CAPS2: variants seen among roughly 807,000 people sequenced by gnomAD.
The protein encoded by CAPS2 is calcyphosin-2.
In CAPS2, 98 loss-of-function variants were observed where a neutral mutation model predicts 86.5. The ratio of observed to expected loss-of-function variants is 1.13; its 90% CI spans 0.96 to 1.34. The LOEUF (loss-of-function observed/expected upper bound fraction) is 1.34. Among genes scored for constraint, CAPS2 ranks in the 40% most tolerant of loss-of-function variants. The pLI, the probability that CAPS2 is intolerant of heterozygous loss-of-function variation, is 0.00. For missense variants in CAPS2, 729 were observed against 686.8 expected (o/e 1.06, Z -0.69); for synonymous variants, 210 against 225.1 (o/e 0.93, Z 0.60).
chr12:75,305,925 G>T lies in CAPS2; in HGVS notation c.660-1049C>A, dbSNP rs116611009. On this transcript the variant is annotated intron_variant, in intron 7 of 16. Transcript: ENST00000393284. ...CCAACCTCCACACCATGAAGTCTGC[G>T]CTGGTGAAAGCGCTGGAGCCCGAGG... 9.3e-4 allele frequency: 915 copies of T among 981,118 alleles called. 6 individuals are homozygous for T. In the African/African-American group the frequency reaches 0.013, roughly 14 times the overall value. The allele number at this position is 981,118 out of a possible 1,614,324, so 60.8% of individuals were successfully genotyped here. A position where few individuals can be genotyped will look rare whatever the true frequency, so the allele number is the denominator to read the frequency against.
chr12:75,334,820 C>G (rs886634759), upstream of CAPS2: 4 of 1,614,094 alleles, frequency 2.5e-6, no homozygotes, highest in Non-Finnish European at 3.4e-6. Flanking sequence ...ATCACTGACC[C>G]ACACTTTATA....
intron 9 of CAPS2, 70 bp downstream of exon 9, chr12:75,299,767 C>T: frequency 4.1e-6 from 3 of 732,256 alleles, no homozygotes; most frequent in Admixed American, 2.7e-5. Context: ...TCATTACTGT[C>T]ATTTCTATTC....
intron 8 of CAPS2, 114 bp downstream of exon 8, chr12:75,304,643 T>C: frequency 1.3e-6 from 1 of 777,920 alleles, no homozygotes. Context: ...CACTTTTCTT[T>C]ATATAGAAAA....
intron 7 of CAPS2, among the ~76,000 whole-genome samples, chr12:75,308,942 T>C (rs1035551706): frequency 4.8e-5 from 7 of 146,178 alleles, no homozygotes; most frequent in African/African-American, 1.5e-4. Context: ...GGAGCCCCCA[T>C]GGCCAGCTAC....
chr12:75,277,134 C>T, downstream of CAPS2: 13 of 983,006 alleles, frequency 1.3e-5, no homozygotes, highest in Non-Finnish European at 1.6e-5. Flanking sequence ...CATGTGAATG[C>T]TTATGTTAGG....
chr12:75,375,932 G>A (rs1405034005), intron 1 of CAPS2, among the ~76,000 whole-genome samples: 1 of 152,214 alleles, frequency 6.6e-6, no homozygotes, highest in Non-Finnish European at 1.5e-5. Flanking sequence ...CTGGCATACG[G>A]AGAGGAGCAA....
intron 12 of CAPS2, among the ~76,000 whole-genome samples, chr12:75,292,989 T>C (rs1004464177): frequency 6.6e-6 from 1 of 151,874 alleles, no homozygotes; most frequent in Non-Finnish European, 1.5e-5. Flanking sequence ...AAAAGTGTTA[T>C]AGCAAAGGCA....
intron 16 of CAPS2, among the ~76,000 whole-genome samples, chr12:75,281,205 T>A (rs2033882245): frequency 6.6e-6 from 1 of 151,978 alleles, no homozygotes; most frequent in Non-Finnish European, 1.5e-5. Context: ...TTTTACAATG[T>A]AATTTGGAAG....
At chr12:75,372,368 T>A (rs2044416001) in intron 1 of CAPS2, among the ~76,000 whole-genome samples, 1 of 152,180 alleles carries the variant, frequency 6.6e-6, no homozygotes, top group South Asian at 2.1e-4. Context: ...TAACTCTTGT[T>A]AGCCTGTTGA....
At chr12:75,325,813 GGTAGGGCCAAGCT>G (rs1426854053) in intron 1 of CAPS2, among the ~76,000 whole-genome samples, 1 of 151,890 alleles carries the variant, frequency 6.6e-6, no homozygotes, top group Non-Finnish European at 1.5e-5. Flanking sequence ...TGTGAGGGGG[GGTAGGGCCAAGCT>G]GTTACATTAT....
At chr12:75,279,423 TAGAAA>T (rs2033486193) in intron 16 of CAPS2, among the ~76,000 whole-genome samples, 1 of 151,506 alleles carries the variant, frequency 6.6e-6, no homozygotes, top group Non-Finnish European at 1.5e-5. Context: ...TATATAATAG[TAGAAA>T]AAGGGTCAAA....
chr12:75,347,670 C>T (rs752889301), intron 1 of CAPS2: 1 of 1,608,584 alleles, frequency 6.2e-7, no homozygotes, highest in Non-Finnish European at 8.5e-7. Flanking sequence ...TGCAATGTGT[C>T]CTAACCTTGG....
chr12:75,291,431 T>A (rs1457083667), intron 13 of CAPS2, among the ~76,000 whole-genome samples: 1 of 127,280 alleles, frequency 7.9e-6, no homozygotes, highest in African/African-American at 2.9e-5. Context: ...GTTAGGACCA[T>A]TAAAGTAAGG....
At chr12:75,369,944 T>A (rs2044248790) in intron 1 of CAPS2, 1 of 1,203,366 alleles carries the variant, frequency 8.3e-7, no homozygotes, top group Non-Finnish European at 1.1e-6. Flanking sequence ...AATATTAACT[T>A]TAATTTTTAC....
At chr12:75,311,733 A>ACAAAAAAAAAC (rs2039237904) in intron 7 of CAPS2, among the ~76,000 whole-genome samples, 5 of 117,356 alleles carry the variant, frequency 4.3e-5, no homozygotes, top group African/African-American at 1.5e-4. Flanking sequence ...ACAAAAAAAA[A>ACAAAAAAAAAC]AAAAAAAACC....
At chr12:75,319,682 T>C (rs1033412767) in intron 5 of CAPS2, among the ~76,000 whole-genome samples, 3 of 152,188 alleles carry the variant, frequency 2.0e-5, no homozygotes, top group Non-Finnish European at 2.9e-5. Context: ...TCATGTATCA[T>C]ACTGATTAGT....
At chr12:75,334,708 C>G (rs1378287428), upstream of CAPS2, 2 of 1,605,642 alleles carry the variant, frequency 1.2e-6, no homozygotes, top group East Asian at 2.2e-5. Flanking sequence ...AGGGCATCCT[C>G]CGCATCCTCC....
intron 5 of CAPS2, among the ~76,000 whole-genome samples, chr12:75,317,820 G>A (rs1319104784): frequency 7.2e-5 from 11 of 151,926 alleles, no homozygotes; most frequent in South Asian, 4.2e-4. Flanking sequence ...ATTTGTCTGC[G>A]TATATGTGTG....
intron 1 of CAPS2, among the ~76,000 whole-genome samples, chr12:75,378,482 C>T (rs1382971481): frequency 1.3e-5 from 2 of 152,068 alleles, no homozygotes; most frequent in African/African-American, 2.4e-5. Context: ...GTAATTGGCT[C>T]ACAGGATCCT....
Sources: allele counts gnomAD v4.1 joint callset (sites outside exome capture counted in the v4.1 genomes callset), GRCh38; gene constraint gnomAD v4.1.1; transcripts MANE v1.5; gene names NCBI Gene and HGNC (gene_info 2026-07-23, HGNC 2026-07-21).